Variants in ABCB7 observed in about 807,000 individuals in gnomAD.
ABCB7 encodes the protein ATP binding cassette subfamily B member 7.
ABCB7 carries 7 observed loss-of-function variants against 54.4 expected under a neutral mutation model. The observed-to-expected ratio is 0.13, with a 90% CI of 0.07 to 0.24. The LOEUF (loss-of-function observed/expected upper bound fraction) is 0.24. Among genes scored for constraint, ABCB7 ranks in the 10% least tolerant of loss-of-function variants. ABCB7 has a pLI of 1.00. For synonymous variants in ABCB7, 218 were observed against 207.1 expected (o/e 1.05, Z -0.45); for missense variants, 356 against 570.4 (o/e 0.62, Z 3.83).
At chrX:75,101,128 A>G (rs1241142202) in intron 3 of ABCB7, among the ~76,000 whole-genome samples, 1 of 110,927 alleles carries the variant, frequency 9.0e-6, no homozygotes. Flanking sequence ...AATCATTGAT[A>G]CTTTTTTATG....
chrX:75,053,666 T>G (rs187151229), intron 15 of ABCB7, 81 bp from the exon 16 acceptor site: 1 of 1,140,170 alleles, frequency 8.8e-7, no homozygotes. Context: ...ACTTTCTAAC[T>G]AAGGAGTTTG....
At chrX:75,095,970 G>A (rs1262568176) in intron 4 of ABCB7, among the ~76,000 whole-genome samples, 1 of 111,774 alleles carries the variant, frequency 8.9e-6, no homozygotes, top group East Asian at 2.8e-4. Context: ...TAATACAAAT[G>A]CCATTACTTA....
At chrX:75,098,905 CTTAG>C (rs768196691) in intron 4 of ABCB7, 33 bp downstream of exon 4, 3 of 1,207,439 alleles carry the variant, frequency 2.5e-6, no homozygotes, top group African/African-American at 3.5e-5. Context: ...TGTAGTATTT[CTTAG>C]TTAGAGCAAC....
chrX:75,080,007 A>G (rs748878085), intron 4 of ABCB7, among the ~76,000 whole-genome samples: 1 of 112,297 alleles, frequency 8.9e-6, no homozygotes, highest in South Asian at 3.7e-4. Context: ...TTTATTCAGC[A>G]TAACGTGCTC....
At chrX:75,062,934 G>A (rs187103197) in intron 13 of ABCB7, among the ~76,000 whole-genome samples, 5 of 111,435 alleles carry the variant, frequency 4.5e-5, no homozygotes, top group Admixed American at 1.9e-4. Flanking sequence ...TTGATAGAAA[G>A]CTATTATTTT....
At chrX:75,105,298 A>T (rs2081685033) in intron 3 of ABCB7, among the ~76,000 whole-genome samples, 1 of 111,648 alleles carries the variant, frequency 9.0e-6, no homozygotes, top group African/African-American at 3.3e-5. Context: ...AAAGGGTCCT[A>T]GATTTGATAA....
At chrX:75,129,626 G>T (rs1158396811) in intron 1 of ABCB7, among the ~76,000 whole-genome samples, 30 of 106,424 alleles carry the variant, frequency 2.8e-4, no homozygotes, top group Non-Finnish European at 4.0e-4. Flanking sequence ...TATATATTTT[G>T]ACTACCTTCC....
At chrX:75,111,873 C>T (rs917613805) in intron 3 of ABCB7, among the ~76,000 whole-genome samples, 1 of 111,826 alleles carries the variant, frequency 8.9e-6, no homozygotes, top group African/African-American at 3.2e-5. Flanking sequence ...CTTAAGAGGC[C>T]TTGGTGACAG....
At chrX:75,093,239 G>C (rs1215641471) in intron 4 of ABCB7, among the ~76,000 whole-genome samples, 1 of 111,645 alleles carries the variant, frequency 9.0e-6, no homozygotes, top group Non-Finnish European at 1.9e-5. Flanking sequence ...GTGATACAAA[G>C]AAAAGAGCTA....
intron 1 of ABCB7, among the ~76,000 whole-genome samples, chrX:75,142,789 C>T (rs1026791247): frequency 8.9e-6 from 1 of 112,385 alleles, no homozygotes; most frequent in African/African-American, 3.2e-5. Flanking sequence ...GGTTTGCCTA[C>T]CTGTTTTCTC....
chrX:75,142,974 CA>C (rs2082065122), intron 1 of ABCB7, among the ~76,000 whole-genome samples: 2 of 112,235 alleles, frequency 1.8e-5, no homozygotes, highest in African/African-American at 6.5e-5. Context: ...ACTCTAGAAA[CA>C]GAATACAGTT....
intron 4 of ABCB7, among the ~76,000 whole-genome samples, chrX:75,083,827 AG>A (rs1403479785): frequency 1.8e-5 from 2 of 111,262 alleles, no homozygotes. Context: ...TCATTATGGT[AG>A]AAAGAATAAT....
chrX:75,114,581 A>T lies in ABCB7; in HGVS notation c.246+173T>A, dbSNP rs5981324. Among the ~76,000 whole-genome samples the T allele has an allele frequency of 0.029, 3,213 of 112,458 alleles. 115 individuals are homozygous for T. The highest frequency in any genetic ancestry group is 0.099 in the African/African-American group (3,069 of 30,906). ...ATAGATTTTTCCAGGGGTAGAAAAC[A>T]TCAAGACTTCTCTCTGCATTTCCAG... On this transcript the variant is annotated intron_variant, in intron 2 of 15. Coordinates refer to ENST00000373394, the MANE Select transcript of ABCB7 (RefSeq NM_001271696.3).
chrX:75,125,801 A>G (rs1445259336), intron 1 of ABCB7, among the ~76,000 whole-genome samples: 3 of 110,845 alleles, frequency 2.7e-5, no homozygotes, highest in Non-Finnish European at 3.8e-5. Flanking sequence ...CTCAAATGAA[A>G]AAAAGGGACT....
chrX:75,128,622 T>G (rs1244352132), intron 1 of ABCB7, among the ~76,000 whole-genome samples: 1 of 111,381 alleles, frequency 9.0e-6, no homozygotes, highest in Non-Finnish European at 1.9e-5. Flanking sequence ...ACTAAAGAGC[T>G]TCTACACTGC....
intron 13 of ABCB7, among the ~76,000 whole-genome samples, chrX:75,064,266 G>A (rs2081301970): frequency 9.0e-6 from 1 of 111,515 alleles, no homozygotes; most frequent in Non-Finnish European, 1.9e-5. Context: ...CACATAGTGT[G>A]TATCTAATAA....
chrX:75,086,582 A>G (rs2081499265), intron 4 of ABCB7, among the ~76,000 whole-genome samples: 2 of 112,034 alleles, frequency 1.8e-5, no homozygotes, highest in Non-Finnish European at 3.8e-5. Context: ...AGAAGTGCCC[A>G]ATATATCTAA....
intron 3 of ABCB7, among the ~76,000 whole-genome samples, chrX:75,102,598 C>T (rs193262641): frequency 4.1e-4 from 46 of 111,738 alleles, no homozygotes; most frequent in Non-Finnish European, 7.0e-4. Context: ...TATTGTGAAA[C>T]GTACTGCAAT....
At chrX:75,112,471 A>T (rs980416816) in intron 3 of ABCB7, among the ~76,000 whole-genome samples, 4 of 111,897 alleles carry the variant, frequency 3.6e-5, no homozygotes, top group African/African-American at 1.3e-4. Context: ...GATCAGGTAG[A>T]TAGAGGATTT....
Sources: gnomAD v4.1 joint callset for allele counts (sites outside exome capture counted in the v4.1 genomes callset) on GRCh38, gnomAD v4.1.1 for gene constraint, MANE v1.5 for transcripts, NCBI Gene and HGNC (gene_info 2026-07-23, HGNC 2026-07-21) for gene names.